The following ARHGAP6 variants were observed in gnomAD, a reference collection of about 807,000 sequenced individuals.
ARHGAP6 encodes the protein Rho GTPase activating protein 6.
Under a neutral mutation model 55.7 loss-of-function variants are expected in ARHGAP6, and 16 were observed. The ratio of observed to expected loss-of-function variants is 0.29; its 90% CI spans 0.19 to 0.44. The LOEUF (loss-of-function observed/expected upper bound fraction) is 0.44, where lower values mean the gene tolerates loss of function less well. Ranked by LOEUF, ARHGAP6 falls within the 20% of genes least tolerant of loss-of-function variation. ARHGAP6 has a pLI of 1.00. For missense variants in ARHGAP6, 698 were observed against 808.9 expected (o/e 0.86, Z 1.66); for synonymous variants, 382 against 360.9 (o/e 1.06, Z -0.66).
chrX:11,164,629 G>A (rs1356948433), intron 9 of ARHGAP6, among the ~76,000 whole-genome samples: 2 of 111,863 alleles, frequency 1.8e-5, no homozygotes, highest in African/African-American at 6.5e-5. Context: ...AATTTCCCAC[G>A]TGCACTAAGC....
At chrX:11,250,754 A>G (rs2047413601) in intron 2 of ARHGAP6, among the ~76,000 whole-genome samples, 1 of 111,448 alleles carries the variant, frequency 9.0e-6, no homozygotes, top group Non-Finnish European at 1.9e-5. Context: ...GCCCACCTAG[A>G]CAATCCAGGA....
At chrX:11,532,642 A>G (rs116102899) in intron 1 of ARHGAP6, among the ~76,000 whole-genome samples, 1 of 110,613 alleles carries the variant, frequency 9.0e-6, no homozygotes, top group African/African-American at 3.3e-5. Context: ...TGGTTGAAGA[A>G]AAATTAAAAA....
intron 1 of ARHGAP6, among the ~76,000 whole-genome samples, chrX:11,295,242 A>G (rs757918555): frequency 2.7e-5 from 3 of 111,170 alleles, no homozygotes; most frequent in Non-Finnish European, 3.8e-5. Context: ...CTAAAACCCA[A>G]TTCCTCTCAA....
intron 1 of ARHGAP6, among the ~76,000 whole-genome samples, chrX:11,528,299 T>C (rs991070012): frequency 7.1e-5 from 8 of 112,188 alleles, no homozygotes; most frequent in African/African-American, 9.7e-5. Flanking sequence ...ATACCTATGG[T>C]GCTTTTCTGT....
At chrX:11,345,160 A>G (rs2048762937) in intron 1 of ARHGAP6, among the ~76,000 whole-genome samples, 1 of 112,134 alleles carries the variant, frequency 8.9e-6, no homozygotes, top group Admixed American at 9.4e-5. Context: ...GATATTATTC[A>G]GTCTTCGATG....
chrX:11,157,712 G>T (rs764638626), intron 9 of ARHGAP6, among the ~76,000 whole-genome samples: 1 of 112,428 alleles, frequency 8.9e-6, no homozygotes, highest in South Asian at 3.7e-4. Context: ...GAAAATAAGT[G>T]GTTGGTGGAA....
intron 1 of ARHGAP6, among the ~76,000 whole-genome samples, chrX:11,584,852 T>C (rs2051708712): frequency 8.9e-6 from 1 of 111,811 alleles, no homozygotes; most frequent in Non-Finnish European, 1.9e-5. Context: ...TCTTTAACTT[T>C]TAAGTTAAGG....
At chrX:11,454,675 G>A (rs943425538) in intron 1 of ARHGAP6, among the ~76,000 whole-genome samples, 12 of 111,957 alleles carry the variant, frequency 1.1e-4, no homozygotes, top group Admixed American at 9.5e-4. Context: ...CCTCATGTGA[G>A]TGACAACCAG....
intron 1 of ARHGAP6, among the ~76,000 whole-genome samples, chrX:11,541,890 G>A (rs983495479): frequency 8.9e-6 from 1 of 112,222 alleles, no homozygotes; most frequent in Non-Finnish European, 1.9e-5. Context: ...CACTGTATAA[G>A]CGTTTGGTTT....
At chrX:11,403,096 G>A (rs1265673900) in intron 1 of ARHGAP6, among the ~76,000 whole-genome samples, 2 of 112,100 alleles carry the variant, frequency 1.8e-5, no homozygotes, top group Non-Finnish European at 3.8e-5. Flanking sequence ...GCAGAGAACA[G>A]CAGCTGAATT....
At chrX:11,637,204 T>A (rs745834861) in intron 1 of ARHGAP6, among the ~76,000 whole-genome samples, 23 of 111,422 alleles carry the variant, frequency 2.1e-4, no homozygotes, top group African/African-American at 6.2e-4. Context: ...GAGCCATTTT[T>A]AGAAAGATCC....
chrX:11,250,641 C>T (rs2047411735), intron 2 of ARHGAP6, among the ~76,000 whole-genome samples: 1 of 111,268 alleles, frequency 9.0e-6, no homozygotes, highest in Non-Finnish European at 1.9e-5. Flanking sequence ...TCTTTGAAGC[C>T]GGCAACATTG....
chrX:11,495,974 G>A (rs1003034924), intron 1 of ARHGAP6, among the ~76,000 whole-genome samples: 1 of 112,269 alleles, frequency 8.9e-6, no homozygotes, highest in Middle Eastern at 4.6e-3. Flanking sequence ...GAGGCCCTTA[G>A]TCAAATGGCC....
chrX:11,429,403 T>C (rs1261713380), intron 1 of ARHGAP6, among the ~76,000 whole-genome samples: 2 of 112,390 alleles, frequency 1.8e-5, no homozygotes, highest in African/African-American at 6.5e-5. Flanking sequence ...TCTTGATCTG[T>C]ATGGCAGCTA....
intron 1 of ARHGAP6, among the ~76,000 whole-genome samples, chrX:11,282,205 C>T (rs1031000463): frequency 5.3e-5 from 6 of 112,207 alleles, no homozygotes; most frequent in South Asian, 3.7e-4. Context: ...AACAGCTACA[C>T]CCAAAGTAAT....
chrX:11,139,294 G>T lies in ARHGAP6; in HGVS notation c.2494C>A (p.Arg832=). 1 of 1,186,799 alleles carries T rather than the reference G, an allele frequency of 8.4e-7. No individual in the cohort carries two copies. Among genetic ancestry groups the T allele is most frequent in the South Asian group, 1.8e-5 (1 of 54,440 alleles). The part of the protein sequence containing the change: ...PHVQVAGKAE[R]PTARSEQYLT... ...TACTGCTCCGACCTGGCCGTGGGCC[G>T]CTCGGCTTTCCCTGCCACCTGGACG... is the stretch of plus-strand genomic sequence containing the variant. The change falls in exon 13 of 13, where the codon CGG becomes AGG. Residue 832 remains arginine, a synonymous_variant. Transcript: ENST00000337414.
intron 2 of ARHGAP6, among the ~76,000 whole-genome samples, chrX:11,245,033 G>A (rs1326149147): frequency 8.9e-6 from 1 of 111,852 alleles, no homozygotes; most frequent in African/African-American, 3.2e-5. Context: ...GTGCTAGGAA[G>A]AGCATCCAAG....
chrX:11,510,611 A>T (rs1008497191), intron 1 of ARHGAP6, among the ~76,000 whole-genome samples: 1 of 111,324 alleles, frequency 9.0e-6, no homozygotes, highest in African/African-American at 3.3e-5. Context: ...GGTCACATGG[A>T]TCTAGAACCT....
At chrX:11,489,545 TAAAC>T (rs1305955922) in intron 1 of ARHGAP6, among the ~76,000 whole-genome samples, 3 of 112,335 alleles carry the variant, frequency 2.7e-5, no homozygotes, top group Non-Finnish European at 5.6e-5. Flanking sequence ...AAACCATACT[TAAAC>T]AAATAGGTAT....
Sources: allele counts gnomAD v4.1 joint callset (sites outside exome capture counted in the v4.1 genomes callset), GRCh38; gene constraint gnomAD v4.1.1; transcripts MANE v1.5; gene names NCBI Gene and HGNC (gene_info 2026-07-23, HGNC 2026-07-21).